The following SECTM1 variants were observed in gnomAD, a reference collection of about 807,000 sequenced individuals.
The protein encoded by SECTM1 is secreted and transmembrane protein 1.
In SECTM1, 10 loss-of-function variants were observed where a neutral mutation model predicts 18.1. That is an observed-to-expected ratio of 0.55 (90% CI 0.34 to 0.94). SECTM1 has a LOEUF of 0.94. Among genes scored for constraint, SECTM1 ranks in the 40% least tolerant of loss-of-function variants. SECTM1 has a pLI of 0.02. For missense variants in SECTM1, 297 were observed against 322.6 expected (o/e 0.92, Z 0.61); for synonymous variants, 137 against 139.2 (o/e 0.98, Z 0.11).
intron 3 of SECTM1, 26 bp downstream of exon 3, chr17:82,324,556 C>G (rs778975611): frequency 9.5e-6 from 15 of 1,572,132 alleles, no homozygotes; most frequent in Non-Finnish European, 1.3e-5. Flanking sequence ...CTCCCCTCCC[C>G]CTTGCTTCCC....
chr17:82,323,014 G>A lies in SECTM1; in HGVS notation c.404-3C>T, dbSNP rs62079492. 0.052 allele frequency: 83,225 copies of A among 1,609,662 alleles called. 2,458 individuals are homozygous for A. Among genetic ancestry groups the A allele is most frequent in the Non-Finnish European group, 0.06 (70,733 of 1,177,906 alleles). Reference sequence around the variant, plus strand: ...GGGGGCGGACTGGGGTTCTGCACCTGAAGGAGGCAGTTCAGGGGTGTACAG... The same window carrying A: ...GGGGGCGGACTGGGGTTCTGCACCTAAAGGAGGCAGTTCAGGGGTGTACAG... On this transcript the variant is annotated splice_polypyrimidine_tract_variant and splice_region_variant and intron_variant, in intron 3 of 4. Coordinates refer to ENST00000269389, the MANE Select transcript of SECTM1 (RefSeq NM_003004.3).
At position 82,325,612 on chromosome 17, in the gene SECTM1, C is replaced by T. The variant is rs997846501; in HGVS notation, c.95-722G>A. On this transcript the variant is annotated intron_variant, in intron 2 of 4. Coordinates refer to ENST00000269389, the MANE Select transcript of SECTM1 (RefSeq NM_003004.3). This position sits in a 1 kb window ranked among gnomAD's most constrained non-coding sequence, Gnocchi z 7.6. The stretch of plus-strand genomic sequence containing the variant: ...AGCCGGCGTGTCAGTCTCTCTCTCC[C>T]GCCTCCTGGGTGAACCCTGCCCCAT... Among the ~76,000 whole-genome samples the T allele has an allele frequency of 6.6e-6, 1 of 152,256 alleles. No homozygotes were observed. The highest frequency in any genetic ancestry group is 1.5e-5 in the Non-Finnish European group (1 of 68,052).
chr17:82,327,442 C>T (rs2052156374), intron 1 of SECTM1, 150 bp from the exon 2 acceptor site: 1 of 579,772 alleles, frequency 1.7e-6, no homozygotes, highest in Admixed American at 3.2e-5. Context: ...GCCCTCCTTC[C>T]CTTCCCTGTG....
rs897814266 is a variant in SECTM1, at chr17:82,326,881, C to G, written c.94+266G>C. On this transcript the variant is annotated intron_variant, in intron 2 of 4. Coordinates refer to ENST00000269389, the MANE Select transcript of SECTM1 (RefSeq NM_003004.3). This position sits in a 1 kb window ranked among gnomAD's most constrained non-coding sequence, Gnocchi z 4.3. ...CCACAATTGCTCTGACAGTGACCAC[C>G]AGGTACCACAGCGGGCACCACCGCC... Among the ~76,000 whole-genome samples the G allele has an allele frequency of 6.6e-5, 10 of 152,302 alleles. No homozygotes were observed. The highest frequency in any genetic ancestry group is 2.2e-4 in the African/African-American group (9 of 41,566).
At position 82,324,702 on chromosome 17, in the gene SECTM1, C is replaced by T. The variant is rs765952081; in HGVS notation, c.283G>A (p.Val95Ile). ...ACCAGCTGTGCCACGCCTCCCTGAA[C>T]CTGGAGCTGCCAGCCGTCCCGGGAG... ...YFSRDGWQLQVQGGVAQLVIK... is the reference protein window; with the variant it reads ...YFSRDGWQLQIQGGVAQLVIK... Residue 95 changes from valine to isoleucine, a missense_variant, in exon 3 of 5, where the codon GTT becomes ATT. Transcript: ENST00000269389. The T allele has an allele frequency of 8.1e-6, 13 of 1,614,054 alleles. No individual in the cohort carries two copies. Among genetic ancestry groups the T allele is most frequent in the Non-Finnish European group, 1.7e-6 (2 of 1,180,036 alleles).
chr17:82,332,828 C>G (rs543935926), intron 1 of SECTM1, among the ~76,000 whole-genome samples: 385 of 152,334 alleles, frequency 2.5e-3, no homozygotes, highest in African/African-American at 8.3e-3. Context: ...GCAGCAGCCC[C>G]GTGGAGAGGC....
chr17:82,322,877 C>T lies in SECTM1; in HGVS notation c.537+1G>A, dbSNP rs1224402321. ...ACAAACTGGGGTGCAGGGCCTCCTA[C>T]CTCCCGGCGTTGCTGGGAACAGCGG... On this transcript the variant is annotated splice_donor_variant, in intron 4 of 4. Transcript: ENST00000269389. LOFTEE classifies it high-confidence loss of function. 1.2e-6 allele frequency: 2 copies of T among 1,613,568 alleles called. No individual in the cohort carries two copies. Among genetic ancestry groups the T allele is most frequent in the Admixed American group, 1.7e-5 (1 of 60,016 alleles).
rs980468929 is a variant in SECTM1, at chr17:82,324,455, C to T, written c.403+127G>A. On this transcript the variant is annotated intron_variant, in intron 3 of 4. Transcript: ENST00000269389. Reference sequence around the variant, plus strand: ...CCGCCAACCCTGTCTCCTGGCAGCCCGGCTCATGCCTGCTCTTCTTCCTCC... The same window carrying T: ...CCGCCAACCCTGTCTCCTGGCAGCCTGGCTCATGCCTGCTCTTCTTCCTCC... The T allele has an allele frequency of 2.9e-5, 30 of 1,039,980 alleles. No homozygotes were observed. In the African/African-American group the frequency reaches 2.9e-4, roughly 10 times the overall value. The allele number at this position is 1,039,980 out of a possible 1,614,324, so 64.4% of individuals were successfully genotyped here. A position where few individuals can be genotyped will look rare whatever the true frequency, so the allele number is the denominator to read the frequency against.
At chr17:82,323,227 G>T in intron 3 of SECTM1, 1 of 578,182 alleles carries the variant, frequency 1.7e-6, no homozygotes. Context: ...CAGAGCGCAG[G>T]TGTGTCGGGG....
chr17:82,329,781 G>A lies in SECTM1; in HGVS notation c.-52-2489C>T, dbSNP rs2052177064. 6.6e-6 allele frequency among the ~76,000 whole-genome samples: 1 copy of A among 152,098 alleles called. No individual in the cohort carries two copies. Among genetic ancestry groups the A allele is most frequent in the Non-Finnish European group, 1.5e-5 (1 of 68,002 alleles). On this transcript the variant is annotated intron_variant, in intron 1 of 4. Transcript: ENST00000269389. This position sits in a 1 kb window ranked among gnomAD's most constrained non-coding sequence, Gnocchi z 7.6. ...GAGGCATCCGCATCCCTCGGCTCAT[G>A]GCCCCTCTGCCATCTCCCCACCACT...
chr17:82,324,348 CT>C (rs1426376501), intron 3 of SECTM1, among the ~76,000 whole-genome samples: 10 of 152,058 alleles, frequency 6.6e-5, no homozygotes, highest in South Asian at 2.1e-4. Context: ...TCTGTGCCCC[CT>C]GAGCCTCCTG....
At position 82,321,995 on chromosome 17, in the gene SECTM1, T is replaced by G. The variant is rs1350380168; in HGVS notation, c.*166A>C. 5.1e-6 allele frequency: 3 copies of G among 593,370 alleles called. No homozygotes were observed. The highest frequency in any genetic ancestry group is 2.0e-5 in the South Asian group (1 of 49,558). The allele number at this position is 593,370 out of a possible 1,614,324, so 36.8% of individuals were successfully genotyped here. ...AGCAGAGCTTGGAAGACCTGGGGGG[T>G]GGAGGGGAAGGGTCTGCACGCACCC... On this transcript the variant is annotated 3_prime_UTR_variant, in exon 5 of 5. Coordinates refer to ENST00000269389, the MANE Select transcript of SECTM1 (RefSeq NM_003004.3).
Position 82,322,966 on chromosome 17 carries a change from G to A in SECTM1, c.449C>T (p.Pro150Leu), listed in dbSNP as rs767800743. Residue 150 changes from proline to leucine, a missense_variant, in exon 4 of 5, where the codon CCA (proline) becomes CTA (leucine). By Grantham distance (98) the Pro-to-Leu change is moderately conservative (BLOSUM62 -3). Coordinates refer to ENST00000269389, the MANE Select transcript of SECTM1 (RefSeq NM_003004.3). ...GATGAAGACAGCAGTGACCACCGCTGGCACAGGCCAGAACCCAGTGTCGGG... is the reference window on the plus strand; with the variant it reads ...GATGAAGACAGCAGTGACCACCGCTAGCACAGGCCAGAACCCAGTGTCGGG... ...SAPDTGFWPVPAVVTAVFILL... is the reference protein window; with the variant it reads ...SAPDTGFWPVLAVVTAVFILL... The A allele has an allele frequency of 2.5e-6, 4 of 1,613,714 alleles. No homozygotes were observed. In the South Asian group the frequency reaches 4.4e-5, roughly 18 times the overall value.
rs1220557509 is a variant in SECTM1, at chr17:82,329,126, C to A, written c.-52-1834G>T. On this transcript the variant is annotated intron_variant, in intron 1 of 4. Transcript: ENST00000269389. This position sits in a 1 kb window ranked among gnomAD's most constrained non-coding sequence, Gnocchi z 7.6. ...GCCTGGAGTCTGGGCCTGCTGAGGACCTGGCTTGCAGACGGGCTCCGGCCT... is the reference window on the plus strand; with the variant it reads ...GCCTGGAGTCTGGGCCTGCTGAGGAACTGGCTTGCAGACGGGCTCCGGCCT... 1 of 151,868 alleles carries A rather than the reference C, an allele frequency of 6.6e-6. No homozygotes were observed. Among genetic ancestry groups the A allele is most frequent in the East Asian group, 1.9e-4 (1 of 5,180 alleles). 9.4% of individuals were successfully genotyped at this position (151,868 alleles called of 1,614,324 possible).
intron 1 of SECTM1, 147 bp from the exon 2 acceptor site, chr17:82,327,439 T>G: frequency 1.7e-6 from 1 of 574,878 alleles, no homozygotes; most frequent in Non-Finnish European, 3.1e-6. Context: ...CCTGCCCTCC[T>G]TCCCTTCCCT....
Position 82,330,696 on chromosome 17 carries a change from C to T in SECTM1, c.-53+3004G>A, listed in dbSNP as rs1048028211. Among the ~76,000 whole-genome samples, 20 of 152,022 alleles carry T rather than the reference C, an allele frequency of 1.3e-4. No homozygotes were observed. Among genetic ancestry groups the T allele is most frequent in the African/African-American group, 4.1e-4 (17 of 41,380 alleles). On this transcript the variant is annotated intron_variant, in intron 1 of 4. Transcript: ENST00000269389. The surrounding 1 kb of genome is among the most constrained non-coding windows in gnomAD (Gnocchi z 6.1). ...AGCAGCTCGGTGGAGCCTCTGCTCT[C>T]GGGGGCTACAGCTGCTCCTAGATGC...
At position 82,325,010 on chromosome 17, in the gene SECTM1, A is replaced by C. The variant is rs2052133953; in HGVS notation, c.95-120T>G. ...GGGCCTCTAAGGGACACAGTGAACT[A>C]TGTATACATCCACCCGACCCAATCA... On this transcript the variant is annotated intron_variant, in intron 2 of 4. Transcript: ENST00000269389. This position sits in a 1 kb window ranked among gnomAD's most constrained non-coding sequence, Gnocchi z 7.6. The C allele has an allele frequency of 1.1e-6, 1 of 871,368 alleles. No individual in the cohort carries two copies. Among genetic ancestry groups the C allele is most frequent in the Non-Finnish European group, 1.7e-6 (1 of 577,650 alleles). The allele number at this position is 871,368 out of a possible 1,614,324, so 54.0% of individuals were successfully genotyped here. A position where few individuals can be genotyped will look rare whatever the true frequency, so the allele number is the denominator to read the frequency against.
intron 1 of SECTM1, among the ~76,000 whole-genome samples, chr17:82,331,715 A>AG (rs368214149): frequency 2.6e-5 from 4 of 152,362 alleles, no homozygotes; most frequent in African/African-American, 9.6e-5. Context: ...GAGAGAGGGC[A>AG]GGCGGCAGGG....
chr17:82,322,513 T>A (rs1599651980), intron 4 of SECTM1, 143 bp from the exon 5 acceptor site: 2 of 835,410 alleles, frequency 2.4e-6, no homozygotes, highest in African/African-American at 1.7e-5. Context: ...CTCGCCTGGG[T>A]TCTGAAACTG....
Sources: gnomAD v4.1 joint callset for allele counts (sites outside exome capture counted in the v4.1 genomes callset) on GRCh38, gnomAD v4.1.1 for gene constraint, Gnocchi (gnomAD v3.1) non-coding constraint, MANE v1.5 for transcripts, NCBI Gene and HGNC (gene_info 2026-07-23, HGNC 2026-07-21) for gene names.